The following ITGA9 variants were observed in gnomAD, a reference collection of about 807,000 sequenced individuals.
The protein encoded by ITGA9 is integrin alpha-9.
Under a neutral mutation model 127.8 loss-of-function variants are expected in ITGA9, and 56 were observed. The observed-to-expected ratio is 0.44, with a 90% CI of 0.35 to 0.55. The LOEUF is 0.55. ITGA9 is among the 20% of genes least tolerant of loss of function. The pLI is 0.00. For synonymous variants in ITGA9, 508 were observed against 514.5 expected (o/e 0.99, Z 0.17); for missense variants, 1,196 against 1,347.1 (o/e 0.89, Z 1.76).
intron 15 of ITGA9, among the ~76,000 whole-genome samples, chr3:37,616,146 G>A (rs1700072362): frequency 6.6e-6 from 1 of 152,184 alleles, no homozygotes. Context: ...ATGTGTCCCA[G>A]AGATTCTGGT....
chr3:37,803,477 G>A (rs768416048), intron 26 of ITGA9, among the ~76,000 whole-genome samples: 7 of 152,148 alleles, frequency 4.6e-5, no homozygotes, highest in Non-Finnish European at 8.8e-5. Flanking sequence ...ATCATGCTCT[G>A]CGCACTTCTG....
chr3:37,502,540 C>T (rs774430529), intron 5 of ITGA9, among the ~76,000 whole-genome samples: 8 of 152,104 alleles, frequency 5.3e-5, no homozygotes, highest in Non-Finnish European at 7.4e-5. Flanking sequence ...ACAGTGATAC[C>T]GTCTATTGCT....
chr3:37,624,105 C>T (rs867174414), intron 15 of ITGA9, among the ~76,000 whole-genome samples: 1 of 150,484 alleles, frequency 6.6e-6, no homozygotes, highest in South Asian at 2.1e-4. Flanking sequence ...TGCTGACCTT[C>T]TGCTTTATTT....
chr3:37,730,159 A>G (rs1394224750), intron 18 of ITGA9, among the ~76,000 whole-genome samples: 1 of 152,064 alleles, frequency 6.6e-6, no homozygotes, highest in Admixed American at 6.5e-5. Flanking sequence ...TGTGAGATAC[A>G]CACACACACA....
intron 17 of ITGA9, among the ~76,000 whole-genome samples, chr3:37,682,342 C>G (rs1700741856): frequency 6.6e-6 from 1 of 152,230 alleles, no homozygotes; most frequent in Non-Finnish European, 1.5e-5. Context: ...ATGGCCAGTT[C>G]TAATTATTCC....
chr3:37,582,448 T>C (rs1178493419), intron 15 of ITGA9, among the ~76,000 whole-genome samples: 1 of 152,194 alleles, frequency 6.6e-6, no homozygotes, highest in Non-Finnish European at 1.5e-5. Flanking sequence ...TAAATGTATA[T>C]GGTATTTCTT....
chr3:37,706,200 C>T (rs998067885), intron 18 of ITGA9, among the ~76,000 whole-genome samples: 2 of 152,328 alleles, frequency 1.3e-5, no homozygotes, highest in Non-Finnish European at 2.9e-5. Flanking sequence ...AGGAGGACCC[C>T]GTGTCCTTGA....
intron 23 of ITGA9, among the ~76,000 whole-genome samples, chr3:37,766,885 G>A (rs980617463): frequency 3.3e-5 from 5 of 152,192 alleles, no homozygotes; most frequent in Non-Finnish European, 7.3e-5. Flanking sequence ...ATTCTTTTGT[G>A]TCACTGCCTC....
chr3:37,509,566 C>G (rs1256127550), intron 8 of ITGA9, among the ~76,000 whole-genome samples: 1 of 152,040 alleles, frequency 6.6e-6, no homozygotes, highest in Non-Finnish European at 1.5e-5. Flanking sequence ...TAGGATCCTT[C>G]CATGTTGTTC....
intron 26 of ITGA9, among the ~76,000 whole-genome samples, chr3:37,795,968 G>A (rs1697167668): frequency 1.3e-5 from 2 of 152,100 alleles, no homozygotes; most frequent in African/African-American, 4.8e-5. Context: ...ATCCTCCAGT[G>A]GCTTCTCATT....
At chr3:37,763,931 C>T (rs1022284298) in intron 23 of ITGA9, among the ~76,000 whole-genome samples, 6 of 152,158 alleles carry the variant, frequency 3.9e-5, no homozygotes, top group African/African-American at 1.4e-4. Flanking sequence ...AGAAACCCCT[C>T]TCATGTAGGA....
chr3:37,646,886 ACTTTGTACCAAGGAG>A (rs1700383128), intron 16 of ITGA9, among the ~76,000 whole-genome samples: 1 of 151,918 alleles, frequency 6.6e-6, no homozygotes, highest in Non-Finnish European at 1.5e-5. Flanking sequence ...GAGAACCTGT[ACTTTGTACCAAGGAG>A]AAGTCATTTC....
intron 25 of ITGA9, among the ~76,000 whole-genome samples, chr3:37,782,916 T>TGG (rs1696993603): frequency 6.6e-6 from 1 of 152,136 alleles, no homozygotes; most frequent in Non-Finnish European, 1.5e-5. Flanking sequence ...GAGGTGGGCA[T>TGG]ATCACAAGGT....
At chr3:37,700,375 ACAAG>A (rs1700933216) in intron 18 of ITGA9, among the ~76,000 whole-genome samples, 1 of 151,880 alleles carries the variant, frequency 6.6e-6, no homozygotes, top group Non-Finnish European at 1.5e-5. Context: ...CTTTTTTGAG[ACAAG>A]GTCTCACTCT....
intron 18 of ITGA9, among the ~76,000 whole-genome samples, chr3:37,696,346 C>G (rs1046655526): frequency 5.3e-5 from 8 of 152,222 alleles, no homozygotes; most frequent in African/African-American, 1.9e-4. Flanking sequence ...CTACTCCCTT[C>G]AGTATTTGTC....
Position 37,485,099 on chromosome 3 carries a change from G to A in ITGA9, c.544+3492G>A, listed in dbSNP as rs542693205. Among the ~76,000 whole-genome samples, 17 of 152,278 alleles carry A rather than the reference G, an allele frequency of 1.1e-4. 1 individual carries two copies. The South Asian group carries it at 2.9e-3, about 26-fold the overall frequency. The stretch of plus-strand genomic sequence containing the variant: ...ACAGGGGAAAACAGAGAGGGGACAG[G>A]GTGTTTTAAAAGTGGGAGGGCCGTG... On this transcript the variant is annotated intron_variant, in intron 4 of 27. Transcript: ENST00000264741.
intron 5 of ITGA9, among the ~76,000 whole-genome samples, chr3:37,502,818 G>A (rs553359829): frequency 6.6e-6 from 1 of 152,248 alleles, no homozygotes; most frequent in South Asian, 2.1e-4. Flanking sequence ...TTCATGAGTG[G>A]TGTTCCCCAG....
intron 15 of ITGA9, among the ~76,000 whole-genome samples, chr3:37,545,980 A>G (rs1200172646): frequency 1.3e-5 from 2 of 152,220 alleles, no homozygotes; most frequent in African/African-American, 2.4e-5. Context: ...ATGTAGAACC[A>G]TCTACCACCT....
intron 18 of ITGA9, among the ~76,000 whole-genome samples, chr3:37,718,539 C>G (rs1701157945): frequency 6.6e-6 from 1 of 152,190 alleles, no homozygotes; most frequent in Admixed American, 6.5e-5. Context: ...GCTACATTAG[C>G]TCTTGGGACC....
Sources: allele counts gnomAD v4.1 joint callset (sites outside exome capture counted in the v4.1 genomes callset), GRCh38; gene constraint gnomAD v4.1.1; transcripts MANE v1.5; gene names NCBI Gene and HGNC (gene_info 2026-07-23, HGNC 2026-07-21).